PRKCB: variants seen among roughly 807,000 people sequenced by gnomAD.
PRKCB encodes the protein protein kinase C beta.
In PRKCB, 13 loss-of-function variants were observed where a neutral mutation model predicts 81.5. The observed-to-expected ratio is 0.16, with a 90% CI of 0.10 to 0.25. The LOEUF (loss-of-function observed/expected upper bound fraction) is 0.25, where lower values mean the gene tolerates loss of function less well. Among genes scored for constraint, PRKCB ranks in the 10% least tolerant of loss-of-function variants. The probability of loss-of-function intolerance (pLI) is 1.00; values close to 1 mark genes in which losing one functional copy is unlikely to be tolerated. For missense variants in PRKCB, 509 were observed against 875.7 expected, an observed-to-expected ratio of 0.58 and a Z score of 5.29; for synonymous variants, 335 against 321.4, an observed-to-expected ratio of 1.04 and a Z score of -0.45.
At chr16:23,931,920 A>G (rs1438283711) in intron 2 of PRKCB, among the ~76,000 whole-genome samples, 2 of 152,210 alleles carry the variant, frequency 1.3e-5, no homozygotes, top group African/African-American at 4.8e-5. Flanking sequence ...AATAAATCCC[A>G]GACACCATAT....
chr16:24,080,450 G>T (rs571921179), intron 5 of PRKCB, among the ~76,000 whole-genome samples: 1 of 152,286 alleles, frequency 6.6e-6, no homozygotes, highest in South Asian at 2.1e-4. Context: ...TACTGGGGCA[G>T]TTGGGTGGAT....
intron 16 of PRKCB, among the ~76,000 whole-genome samples, chr16:24,202,169 G>A (rs1967969027): frequency 6.6e-6 from 1 of 150,478 alleles, no homozygotes. Flanking sequence ...GCATAAACCT[G>A]CTATGTCTTT....
chr16:23,910,518 C>T (rs188138211), intron 2 of PRKCB, among the ~76,000 whole-genome samples: 3 of 152,080 alleles, frequency 2.0e-5, no homozygotes, highest in South Asian at 2.1e-4. Context: ...GTCTCAGGCT[C>T]GGGCCGTTAG....
Position 24,214,919 on chromosome 16 carries a change from T to C in PRKCB, c.*103T>C. 1 of 1,549,320 alleles carries C rather than the reference T, an allele frequency of 6.5e-7. No homozygotes were observed. ...ATTGCCAAGTTGCATCCATGTTTGA[T>C]TTTCTGATGAGACTAGAGTGACAGT... On this transcript the variant is annotated 3_prime_UTR_variant, in exon 17 of 17. Coordinates refer to ENST00000643927, the MANE Select transcript of PRKCB (RefSeq NM_002738.7).
At chr16:24,101,674 T>G (rs1596547933) in intron 7 of PRKCB, among the ~76,000 whole-genome samples, 1 of 152,238 alleles carries the variant, frequency 6.6e-6, no homozygotes, top group Non-Finnish European at 1.5e-5. Flanking sequence ...GTTAGTTAGG[T>G]CCGATTTCTT....
At chr16:23,948,581 T>C (rs1386923712) in intron 2 of PRKCB, among the ~76,000 whole-genome samples, 2 of 142,592 alleles carry the variant, frequency 1.4e-5, no homozygotes, top group African/African-American at 2.6e-5. Flanking sequence ...TTTTTGTATT[T>C]TTAGTAGAGA....
At chr16:23,848,629 T>A (rs1385205332) in intron 2 of PRKCB, among the ~76,000 whole-genome samples, 2 of 152,154 alleles carry the variant, frequency 1.3e-5, no homozygotes, top group Non-Finnish European at 2.9e-5. Flanking sequence ...TGTCACCCAG[T>A]GGGTACGTGT....
Position 24,112,893 on chromosome 16 carries a change from G to A in PRKCB, c.822-80G>A, listed in dbSNP as rs1325135831. On this transcript the variant is annotated intron_variant, in intron 7 of 16. Coordinates refer to ENST00000643927, the MANE Select transcript of PRKCB (RefSeq NM_002738.7). ...TTTTTTCAAGTAGAGCTTTATATAG[G>A]CCTCCTTTTCATATGCTGATCAATA... The A allele has an allele frequency of 7.1e-6, 7 of 985,194 alleles. No homozygotes were observed. In the East Asian group the frequency reaches 1.5e-4, roughly 22 times the overall value. The allele number at this position is 985,194 out of a possible 1,614,324, so 61.0% of individuals were successfully genotyped here.
intron 2 of PRKCB, among the ~76,000 whole-genome samples, chr16:23,961,456 A>T (rs1474175117): frequency 1.3e-5 from 2 of 152,188 alleles, no homozygotes; most frequent in African/African-American, 4.8e-5. Context: ...CATGTGCTTG[A>T]CTAATGAGGC....
intron 2 of PRKCB, among the ~76,000 whole-genome samples, chr16:23,985,641 A>T (rs1178337726): frequency 6.6e-6 from 1 of 152,204 alleles, no homozygotes; most frequent in Non-Finnish European, 1.5e-5. Context: ...CAAAGTCCCA[A>T]TCATTTTTTG....
chr16:24,137,832 A>G (rs182526172), intron 9 of PRKCB, among the ~76,000 whole-genome samples: 2 of 152,294 alleles, frequency 1.3e-5, no homozygotes, highest in African/African-American at 4.8e-5. Flanking sequence ...AATATTTTGG[A>G]TGTACAAATG....
At chr16:24,102,749 C>T (rs1966524575) in intron 7 of PRKCB, among the ~76,000 whole-genome samples, 1 of 152,286 alleles carries the variant, frequency 6.6e-6, no homozygotes, top group African/African-American at 2.4e-5. Context: ...AAGGAATTAA[C>T]TCTGGGATTT....
intron 2 of PRKCB, among the ~76,000 whole-genome samples, chr16:23,843,788 G>A (rs1254075808): frequency 4.8e-5 from 3 of 62,516 alleles, no homozygotes; most frequent in African/African-American, 2.2e-4. Flanking sequence ...GTGTATCTAG[G>A]CCAAAAAAAA....
At chr16:23,913,903 CCT>C (rs1301744689) in intron 2 of PRKCB, among the ~76,000 whole-genome samples, 2 of 152,222 alleles carry the variant, frequency 1.3e-5, no homozygotes, top group African/African-American at 4.8e-5. Flanking sequence ...AGCTGTGCCC[CCT>C]GTGTGCCATT....
chr16:23,967,405 G>A (rs1264802975), intron 2 of PRKCB, among the ~76,000 whole-genome samples: 1 of 152,208 alleles, frequency 6.6e-6, no homozygotes, highest in East Asian at 1.9e-4. Context: ...AATGCATTGG[G>A]TCAGGACAGC....
At chr16:24,061,142 C>A (rs563037094) in intron 5 of PRKCB, among the ~76,000 whole-genome samples, 1 of 151,958 alleles carries the variant, frequency 6.6e-6, no homozygotes, top group Admixed American at 6.6e-5. Context: ...CTCACTGCAA[C>A]CTCCGCCTCC....
intron 3 of PRKCB, among the ~76,000 whole-genome samples, chr16:24,021,502 TG>T (rs1179341148): frequency 6.6e-6 from 1 of 151,656 alleles, no homozygotes; most frequent in Non-Finnish European, 1.5e-5. Flanking sequence ...GACTCTGGTT[TG>T]GGGGTGGCAG....
intron 2 of PRKCB, among the ~76,000 whole-genome samples, chr16:23,930,908 G>C (rs1240477045): frequency 6.6e-6 from 1 of 152,210 alleles, no homozygotes; most frequent in African/African-American, 2.4e-5. Context: ...TGAGGAACCT[G>C]AAGCTCACAG....
At chr16:23,918,383 A>ATTT (rs1963775862) in intron 2 of PRKCB, among the ~76,000 whole-genome samples, 4 of 147,528 alleles carry the variant, frequency 2.7e-5, no homozygotes, top group Admixed American at 6.8e-5. Flanking sequence ...TTACCTTTTT[A>ATTT]TTATTATTAT....
Sources: gnomAD v4.1 joint callset for allele counts (sites outside exome capture counted in the v4.1 genomes callset) on GRCh38, gnomAD v4.1.1 for gene constraint, MANE v1.5 for transcripts, NCBI Gene and HGNC (gene_info 2026-07-23, HGNC 2026-07-21) for gene names.